The following PDSS2 variants were observed in gnomAD, a reference collection of about 807,000 sequenced individuals.
The protein encoded by PDSS2 is all trans-polyprenyl-diphosphate synthase PDSS2.
A neutral mutation model predicts 44.5 loss-of-function variants in PDSS2; 31 were observed. The ratio of observed to expected loss-of-function variants is 0.70; its 90% CI spans 0.52 to 0.94. The LOEUF is 0.94. Ranked by LOEUF, PDSS2 falls within the 40% of genes least tolerant of loss-of-function variation. The pLI, the probability that PDSS2 is intolerant of heterozygous loss-of-function variation, is 0.00. For synonymous variants in PDSS2, 157 were observed against 180.3 expected, an observed-to-expected ratio of 0.87 and a Z score of 1.03; for missense variants, 452 against 482.2, an observed-to-expected ratio of 0.94 and a Z score of 0.59.
chr6:107,319,015 CACACACACACAT>C (rs1411283201), intron 2 of PDSS2, among the ~76,000 whole-genome samples: 2 of 149,546 alleles, frequency 1.3e-5, no homozygotes, highest in Non-Finnish European at 3.0e-5. Flanking sequence ...TATACACACA[CACACACACACAT>C]ACACACACAC....
chr6:107,235,808 G>A (rs1562397601), intron 4 of PDSS2, among the ~76,000 whole-genome samples: 2 of 152,070 alleles, frequency 1.3e-5, no homozygotes. Context: ...TATTCCATAT[G>A]GCCAAGGAGC....
chr6:107,244,847 A>C (rs1774555122), intron 4 of PDSS2, among the ~76,000 whole-genome samples: 1 of 152,194 alleles, frequency 6.6e-6, no homozygotes, highest in Admixed American at 6.5e-5. Flanking sequence ...TGAAACACTA[A>C]GATAGGAGCC....
chr6:107,287,180 C>T (rs1165187294), intron 2 of PDSS2, among the ~76,000 whole-genome samples: 1 of 152,174 alleles, frequency 6.6e-6, no homozygotes, highest in Non-Finnish European at 1.5e-5. Flanking sequence ...CACACTGATG[C>T]CCCAAGAGCC....
At chr6:107,211,525 T>C (rs768271165) in intron 5 of PDSS2, among the ~76,000 whole-genome samples, 6 of 151,618 alleles carry the variant, frequency 4.0e-5, no homozygotes, top group Non-Finnish European at 5.9e-5. Flanking sequence ...AGGTCAGGAA[T>C]TCGAGACCAT....
At chr6:107,450,947 C>T (rs1432995099) in intron 1 of PDSS2, among the ~76,000 whole-genome samples, 2 of 152,210 alleles carry the variant, frequency 1.3e-5, no homozygotes, top group African/African-American at 4.8e-5. Flanking sequence ...CCTCTTACCT[C>T]AACCTCCCAA....
At chr6:107,375,635 G>C (rs1779262889) in intron 1 of PDSS2, among the ~76,000 whole-genome samples, 1 of 152,158 alleles carries the variant, frequency 6.6e-6, no homozygotes, top group Non-Finnish European at 1.5e-5. Flanking sequence ...GAAAACAGAA[G>C]AAAGCACTAC....
intron 7 of PDSS2, among the ~76,000 whole-genome samples, chr6:107,160,696 G>T (rs1771095736): frequency 6.6e-6 from 1 of 151,768 alleles, no homozygotes; most frequent in Non-Finnish European, 1.5e-5. Context: ...CTTGGGAGTA[G>T]CAAGGAAATT....
chr6:107,444,697 T>C (rs2114822418), intron 1 of PDSS2, among the ~76,000 whole-genome samples: 1 of 152,262 alleles, frequency 6.6e-6, no homozygotes, highest in East Asian at 1.9e-4. Flanking sequence ...AGACTAAAAT[T>C]AAATTTCTAA....
intron 4 of PDSS2, among the ~76,000 whole-genome samples, chr6:107,223,027 C>T (rs914968834): frequency 6.6e-6 from 1 of 151,384 alleles, no homozygotes; most frequent in African/African-American, 2.4e-5. Flanking sequence ...CGGCTCACTG[C>T]AACCTCTGCC....
intron 1 of PDSS2, among the ~76,000 whole-genome samples, chr6:107,455,075 A>G (rs1264930052): frequency 6.6e-6 from 1 of 152,000 alleles, no homozygotes; most frequent in Admixed American, 6.6e-5. Context: ...TACAAAATAC[A>G]GCAACACATA....
chr6:107,158,347 G>T (rs538035840), intron 7 of PDSS2, among the ~76,000 whole-genome samples: 1 of 151,888 alleles, frequency 6.6e-6, no homozygotes, highest in Non-Finnish European at 1.5e-5. Context: ...ACTACACCTG[G>T]CTAATTTTTT....
At chr6:107,227,000 T>C (rs1190236247) in intron 4 of PDSS2, among the ~76,000 whole-genome samples, 1 of 118,956 alleles carries the variant, frequency 8.4e-6, no homozygotes, top group African/African-American at 3.3e-5. Context: ...TTTTAATTAC[T>C]TTTTTTTTTG....
intron 2 of PDSS2, among the ~76,000 whole-genome samples, chr6:107,283,613 G>A (rs1161990900): frequency 6.6e-6 from 1 of 152,038 alleles, no homozygotes; most frequent in Admixed American, 6.6e-5. Flanking sequence ...CCAGCTACTT[G>A]GGAGGCTGAG....
chr6:107,194,628 C>A (rs750006968), intron 6 of PDSS2, among the ~76,000 whole-genome samples: 1 of 152,180 alleles, frequency 6.6e-6, no homozygotes, highest in Non-Finnish European at 1.5e-5. Context: ...TCAGGAGGCA[C>A]AAAATGTCAG....
intron 1 of PDSS2, among the ~76,000 whole-genome samples, chr6:107,429,919 TATATATATATATATATATAC>T (rs1781136683): frequency 1.9e-5 from 2 of 107,268 alleles, no homozygotes; most frequent in Non-Finnish European, 3.6e-5. Context: ...TATATATATA[TATATATATATATATATATAC>T]ACCAAACCCA....
chr6:107,204,972 A>G (rs537127405), intron 6 of PDSS2, among the ~76,000 whole-genome samples: 2 of 152,330 alleles, frequency 1.3e-5, no homozygotes, highest in African/African-American at 2.4e-5. Flanking sequence ...AAATGCCTAC[A>G]TTGTATACCT....
At chr6:107,359,728 A>C (rs1046565047) in intron 1 of PDSS2, among the ~76,000 whole-genome samples, 3 of 151,988 alleles carry the variant, frequency 2.0e-5, no homozygotes, top group Admixed American at 2.0e-4. Flanking sequence ...ATTCAATATC[A>C]AGGTATGGCT....
At position 107,272,104 on chromosome 6, in the gene PDSS2, A is replaced by T. The variant is rs1775622944; in HGVS notation, c.630+1925T>A. Among the ~76,000 whole-genome samples the T allele has an allele frequency of 2.0e-5, 3 of 151,816 alleles. No individual in the cohort carries two copies. In the South Asian group the frequency reaches 6.3e-4, roughly 32 times the overall value. ...AGAAACAAAAAAAAAAAAAAGGACA[A>T]CTGATAATGAGAACTCTCTCCACTG... On this transcript the variant is annotated intron_variant, in intron 3 of 7. Coordinates refer to ENST00000369037, the MANE Select transcript of PDSS2 (RefSeq NM_020381.4).
chr6:107,257,552 C>CA (rs1187629066), intron 3 of PDSS2, among the ~76,000 whole-genome samples: 11 of 151,970 alleles, frequency 7.2e-5, no homozygotes, highest in Non-Finnish European at 2.9e-5. Flanking sequence ...AATAATAATA[C>CA]AAATAAATAA....
Sources: gnomAD v4.1 joint callset for allele counts (sites outside exome capture counted in the v4.1 genomes callset) on GRCh38, gnomAD v4.1.1 for gene constraint, MANE v1.5 for transcripts, NCBI Gene and HGNC (gene_info 2026-07-23, HGNC 2026-07-21) for gene names.